LRRC4C: variants seen among roughly 807,000 people sequenced by gnomAD.
The protein encoded by LRRC4C is leucine rich repeat containing 4C.
In LRRC4C, 5 loss-of-function variants were observed where a neutral mutation model predicts 33.6. The ratio of observed to expected loss-of-function variants is 0.15; its 90% CI spans 0.08 to 0.31. The LOEUF is 0.31. LRRC4C is among the 10% of genes least tolerant of loss of function. The pLI is 1.00. For synonymous variants in LRRC4C, 329 were observed against 302.0 expected, an observed-to-expected ratio of 1.09 and a Z score of -0.93; for missense variants, 560 against 796.7, an observed-to-expected ratio of 0.70 and a Z score of 3.58.
chr11:41,398,053 C>T (rs1953886694), intron 1 of LRRC4C, among the ~76,000 whole-genome samples: 1 of 151,888 alleles, frequency 6.6e-6, no homozygotes, highest in Admixed American at 6.6e-5. Flanking sequence ...TGGGGATGCA[C>T]TTGTGACACT....
At chr11:40,792,834 G>T (rs970446536) in intron 2 of LRRC4C, among the ~76,000 whole-genome samples, 8 of 152,096 alleles carry the variant, frequency 5.3e-5, no homozygotes, top group African/African-American at 1.9e-4. Flanking sequence ...CATGTCCTTT[G>T]TAGGGACATG....
At chr11:41,452,420 G>A (rs772419297) in intron 1 of LRRC4C, among the ~76,000 whole-genome samples, 2 of 152,076 alleles carry the variant, frequency 1.3e-5, no homozygotes, top group Non-Finnish European at 2.9e-5. Flanking sequence ...TCTACATTAT[G>A]TAAAAAAGCT....
chr11:40,530,241 A>G (rs12421087), intron 3 of LRRC4C, among the ~76,000 whole-genome samples: 4,202 of 152,202 alleles, frequency 0.028, 80 homozygotes, highest in Middle Eastern at 0.068. Flanking sequence ...ATTTAAATAT[A>G]ATATCCAATT....
chr11:40,427,283 C>A (rs1168836309), intron 3 of LRRC4C, among the ~76,000 whole-genome samples: 1 of 150,660 alleles, frequency 6.6e-6, no homozygotes, highest in South Asian at 2.1e-4. Flanking sequence ...GTGGGTGGAT[C>A]ATTTGAGGTC....
rs80276416 is a variant in LRRC4C at position 40,688,255 on chromosome 11, A to T, written c.-406-39977T>A. Among the ~76,000 whole-genome samples the T allele has an allele frequency of 8.8e-3, 1,336 of 152,224 alleles. 27 individuals carry two copies. The highest frequency in any genetic ancestry group is 0.03 in the African/African-American group (1,259 of 41,556). On this transcript the variant is annotated intron_variant, in intron 2 of 6. Transcript: ENST00000528697. Reference sequence around the variant, plus strand: ...GTTAGGTGTGTGGAACTGAAGACCTAACTTAACATTTGCAAATATAGCTGA... The same window carrying T: ...GTTAGGTGTGTGGAACTGAAGACCTTACTTAACATTTGCAAATATAGCTGA...
chr11:41,082,386 T>G (rs1461716325), intron 1 of LRRC4C, among the ~76,000 whole-genome samples: 1 of 150,452 alleles, frequency 6.6e-6, no homozygotes, highest in South Asian at 2.1e-4. Flanking sequence ...ATATTAGAGA[T>G]AGCAGTGACT....
At chr11:40,259,727 T>C (rs971962896) in intron 4 of LRRC4C, among the ~76,000 whole-genome samples, 1 of 152,128 alleles carries the variant, frequency 6.6e-6, no homozygotes. Flanking sequence ...GTTGTAGATA[T>C]GCGGCGTTAT....
intron 1 of LRRC4C, among the ~76,000 whole-genome samples, chr11:41,019,230 C>T (rs1855795774): frequency 6.6e-6 from 1 of 152,102 alleles, no homozygotes; most frequent in Admixed American, 6.6e-5. Flanking sequence ...TCCATGTGTC[C>T]TCAATGTTCA....
At chr11:41,361,119 T>G (rs1294272139) in intron 1 of LRRC4C, among the ~76,000 whole-genome samples, 1 of 152,198 alleles carries the variant, frequency 6.6e-6, no homozygotes, top group Non-Finnish European at 1.5e-5. Flanking sequence ...AAGACAGCAT[T>G]GTCAGTTATC....
intron 3 of LRRC4C, among the ~76,000 whole-genome samples, chr11:40,438,990 G>A (rs2137937048): frequency 6.9e-6 from 1 of 144,894 alleles, no homozygotes; most frequent in East Asian, 2.1e-4. Context: ...GAGTGCAGTG[G>A]CATGATCTCG....
At chr11:40,324,905 T>C (rs1193926794) in intron 3 of LRRC4C, among the ~76,000 whole-genome samples, 1 of 152,214 alleles carries the variant, frequency 6.6e-6, no homozygotes, top group East Asian at 1.9e-4. Context: ...CTCAGGTTTG[T>C]CTTCTGTAAA....
At chr11:40,313,704 T>TTC (rs1696057527) in intron 4 of LRRC4C, among the ~76,000 whole-genome samples, 1 of 146,228 alleles carries the variant, frequency 6.8e-6, no homozygotes, top group Admixed American at 7.0e-5. Flanking sequence ...ACCTTCCGGG[T>TTC]TCACGCCATT....
chr11:40,263,145 A>C (rs1052733207), intron 4 of LRRC4C, among the ~76,000 whole-genome samples: 3 of 152,080 alleles, frequency 2.0e-5, no homozygotes, highest in African/African-American at 7.2e-5. Flanking sequence ...GGCTGGACCT[A>C]ATTCTTATAG....
intron 1 of LRRC4C, among the ~76,000 whole-genome samples, chr11:40,995,364 T>C (rs1853896015): frequency 6.6e-6 from 1 of 152,084 alleles, no homozygotes; most frequent in South Asian, 2.1e-4. Context: ...CAACTAATGA[T>C]GCATTATGAA....
At chr11:40,948,790 C>T (rs1473928750) in intron 1 of LRRC4C, among the ~76,000 whole-genome samples, 2 of 150,564 alleles carry the variant, frequency 1.3e-5, no homozygotes, top group African/African-American at 4.9e-5. Flanking sequence ...GGGTTGGTTC[C>T]AAGTCTTTGC....
rs142607534 is a variant in LRRC4C, at chr11:40,686,999, G to A, written c.-406-38721C>T. Among the ~76,000 whole-genome samples, 686 of 152,162 alleles carry A rather than the reference G, an allele frequency of 4.5e-3. 7 individuals are homozygous for A. The highest frequency in any genetic ancestry group is 0.016 in the African/African-American group (661 of 41,544). On this transcript the variant is annotated intron_variant, in intron 2 of 6. Transcript: ENST00000528697. ...TTCCTGTATGAGAACTTGCACTTTCGTTAGCTAACCGGGCAATTGGTACCC... is the reference window on the plus strand; with the variant it reads ...TTCCTGTATGAGAACTTGCACTTTCATTAGCTAACCGGGCAATTGGTACCC...
intron 5 of LRRC4C, among the ~76,000 whole-genome samples, chr11:40,217,167 C>T (rs538636016): frequency 6.6e-5 from 10 of 152,100 alleles, no homozygotes; most frequent in South Asian, 2.1e-4. Flanking sequence ...AATTAATAAG[C>T]GTTAATATGT....
chr11:40,371,030 AC>A (rs1254530700), intron 3 of LRRC4C, among the ~76,000 whole-genome samples: 3 of 152,048 alleles, frequency 2.0e-5, no homozygotes, highest in South Asian at 2.1e-4. Flanking sequence ...TCTAAATACA[AC>A]CCTCGGACTT....
intron 1 of LRRC4C, among the ~76,000 whole-genome samples, chr11:41,372,035 G>A (rs948519862): frequency 6.6e-6 from 1 of 152,252 alleles, no homozygotes; most frequent in African/African-American, 2.4e-5. Context: ...TACTCAGGAG[G>A]CTGAGGCAGG....
Sources: gnomAD v4.1 joint callset for allele counts (sites outside exome capture counted in the v4.1 genomes callset) on GRCh38, gnomAD v4.1.1 for gene constraint, MANE v1.5 for transcripts, NCBI Gene and HGNC (gene_info 2026-07-23, HGNC 2026-07-21) for gene names.